FHIT: variants seen among roughly 807,000 people sequenced by gnomAD.
FHIT encodes the protein bis(5'-adenosyl)-triphosphatase.
In FHIT, 19 loss-of-function variants were observed where a neutral mutation model predicts 17.9. That is an observed-to-expected ratio of 1.06 (90% CI 0.74 to 1.56). The LOEUF is 1.56. Among genes scored for constraint, FHIT ranks in the 40% most tolerant of loss-of-function variants. The pLI is 0.00. For missense variants in FHIT, 248 were observed against 189.2 expected (o/e 1.31, Z -1.82); for synonymous variants, 81 against 69.7 (o/e 1.16, Z -0.81).
At chr3:61,240,310 C>T (rs751917047) in intron 1 of FHIT, among the ~76,000 whole-genome samples, 6 of 152,190 alleles carry the variant, frequency 3.9e-5, no homozygotes, top group Non-Finnish European at 7.3e-5. Context: ...TAACCAGGGC[C>T]TTTCTGTGTG....
chr3:60,221,563 G>A (rs1703960872), intron 5 of FHIT, among the ~76,000 whole-genome samples: 1 of 152,108 alleles, frequency 6.6e-6, no homozygotes, highest in Admixed American at 6.5e-5. Flanking sequence ...CAAACTTCTG[G>A]TCATTTCCCA....
intron 1 of FHIT, among the ~76,000 whole-genome samples, chr3:61,233,603 A>G (rs954262695): frequency 2.0e-5 from 3 of 152,228 alleles, no homozygotes; most frequent in Admixed American, 2.0e-4. Context: ...ACTAGACTAG[A>G]AGGATAGACA....
intron 2 of FHIT, among the ~76,000 whole-genome samples, chr3:61,081,765 T>C (rs911738936): frequency 1.3e-5 from 2 of 152,200 alleles, no homozygotes; most frequent in African/African-American, 4.8e-5. Context: ...TATGACCTCA[T>C]CTTAACTAAT....
intron 7 of FHIT, among the ~76,000 whole-genome samples, chr3:59,979,468 T>G (rs1376270432): frequency 6.6e-6 from 1 of 151,966 alleles, no homozygotes; most frequent in African/African-American, 2.4e-5. Flanking sequence ...CTTGACAGAC[T>G]TGGGAGAGGA....
intron 4 of FHIT, among the ~76,000 whole-genome samples, chr3:60,694,455 C>T (rs1008976214): frequency 6.6e-6 from 1 of 152,158 alleles, no homozygotes; most frequent in African/African-American, 2.4e-5. Context: ...AACACTTTTA[C>T]ATTGTTGGTG....
chr3:60,117,636 C>G (rs1705032175), intron 5 of FHIT, among the ~76,000 whole-genome samples: 1 of 151,310 alleles, frequency 6.6e-6, no homozygotes, highest in Admixed American at 6.6e-5. Context: ...TTTTATTAAA[C>G]TTGTAACAAA....
chr3:60,284,691 A>T (rs979022922), intron 5 of FHIT, among the ~76,000 whole-genome samples: 2 of 152,142 alleles, frequency 1.3e-5, no homozygotes, highest in Non-Finnish European at 2.9e-5. Context: ...TGTTTCTAAG[A>T]TAACGCATGG....
chr3:60,965,222 T>C (rs1303025090), intron 3 of FHIT, among the ~76,000 whole-genome samples: 1 of 152,170 alleles, frequency 6.6e-6, no homozygotes, highest in East Asian at 1.9e-4. Flanking sequence ...CTTGATCGAA[T>C]TGGCTACTGA....
intron 5 of FHIT, among the ~76,000 whole-genome samples, chr3:60,065,456 T>C (rs1702460978): frequency 6.6e-6 from 1 of 152,112 alleles, no homozygotes. Flanking sequence ...ATTAAGTACC[T>C]AGGACCCAGT....
chr3:61,186,609 G>C (rs1379916691), intron 2 of FHIT, among the ~76,000 whole-genome samples: 2 of 152,186 alleles, frequency 1.3e-5, no homozygotes, highest in East Asian at 3.9e-4. Context: ...AGATATGTTT[G>C]TCCATTTACC....
chr3:59,904,493 C>T (rs1033330451), intron 8 of FHIT, among the ~76,000 whole-genome samples: 4 of 152,132 alleles, frequency 2.6e-5, no homozygotes, highest in Admixed American at 2.6e-4. Context: ...TCCCCACAAT[C>T]AGGAGACAAG....
intron 4 of FHIT, among the ~76,000 whole-genome samples, chr3:60,801,817 C>G (rs1383370138): frequency 6.6e-6 from 1 of 152,164 alleles, no homozygotes. Flanking sequence ...GCTCTATATA[C>G]ATACTGGTGA....
intron 4 of FHIT, among the ~76,000 whole-genome samples, chr3:60,802,596 A>C (rs1701231533): frequency 6.6e-6 from 1 of 152,212 alleles, no homozygotes; most frequent in Non-Finnish European, 1.5e-5. Context: ...ATTTTGCCTC[A>C]ATATTTGTTT....
chr3:60,854,947 T>C (rs1703321058), intron 3 of FHIT, among the ~76,000 whole-genome samples: 1 of 152,112 alleles, frequency 6.6e-6, no homozygotes, highest in Non-Finnish European at 1.5e-5. Context: ...CAGACATGGC[T>C]AAGTGCCTCT....
At chr3:60,513,936 G>T (rs1381710812) in intron 5 of FHIT, among the ~76,000 whole-genome samples, 3 of 152,224 alleles carry the variant, frequency 2.0e-5, no homozygotes, top group African/African-American at 4.8e-5. Context: ...GAAGAGGAGA[G>T]AAGTGTCTGA....
intron 8 of FHIT, among the ~76,000 whole-genome samples, chr3:59,904,126 T>C: frequency 6.7e-6 from 1 of 148,338 alleles, no homozygotes; most frequent in Non-Finnish European, 1.5e-5. Flanking sequence ...AAGGGGCTAT[T>C]TCTTTATGAT....
chr3:60,487,970 T>C (rs1228171095), intron 5 of FHIT, among the ~76,000 whole-genome samples: 1 of 152,178 alleles, frequency 6.6e-6, no homozygotes, highest in Admixed American at 6.5e-5. Context: ...ATGCCAAGTA[T>C]TAAAGGTTCT....
chr3:61,184,363 C>G (rs1163133460), intron 2 of FHIT, among the ~76,000 whole-genome samples: 1 of 152,080 alleles, frequency 6.6e-6, no homozygotes, highest in Non-Finnish European at 1.5e-5. Flanking sequence ...AAGACACAGG[C>G]AGGAAAACTG....
intron 5 of FHIT, among the ~76,000 whole-genome samples, chr3:60,069,392 T>C (rs936542148): frequency 6.6e-6 from 1 of 152,156 alleles, no homozygotes; most frequent in Non-Finnish European, 1.5e-5. Flanking sequence ...ACAAAACAAA[T>C]GGTTTAAAGT....
Sources: allele counts gnomAD v4.1 joint callset (sites outside exome capture counted in the v4.1 genomes callset), GRCh38; gene constraint gnomAD v4.1.1; transcripts MANE v1.5; gene names NCBI Gene and HGNC (gene_info 2026-07-23, HGNC 2026-07-21).